Variants in ATP2B1 observed in about 807,000 individuals in gnomAD.
ATP2B1 encodes ATPase plasma membrane Ca2+ transporting 1, also known as plasma membrane calcium-transporting ATPase 1.
In ATP2B1, 14 loss-of-function variants were observed where a neutral mutation model predicts 124.2. That is an observed-to-expected ratio of 0.11 (90% confidence interval 0.07 to 0.18). ATP2B1 has a LOEUF of 0.18. Among genes scored for constraint, ATP2B1 ranks in the 10% least tolerant of loss-of-function variants. The pLI, the probability that ATP2B1 is intolerant of heterozygous loss-of-function variation, is 1.00. For missense variants in ATP2B1, 763 were observed against 1,466.1 expected (o/e 0.52, Z 7.83); for synonymous variants, 449 against 492.4 (o/e 0.91, Z 1.17).
chr12:89,637,940 A>G (rs949026289), intron 3 of ATP2B1, among the ~76,000 whole-genome samples: 4 of 152,154 alleles, frequency 2.6e-5, no homozygotes, highest in African/African-American at 9.6e-5. Context: ...AAACTACTGA[A>G]TATTTCAAAA....
intron 1 of ATP2B1, among the ~76,000 whole-genome samples, chr12:89,676,954 T>C (rs376658626): frequency 1.3e-5 from 2 of 152,168 alleles, no homozygotes; most frequent in African/African-American, 4.8e-5. Context: ...GAAAACTCTG[T>C]AGGAACTTGT....
At chr12:89,707,801 G>A (rs1020507731) in intron 1 of ATP2B1, among the ~76,000 whole-genome samples, 2 of 152,096 alleles carry the variant, frequency 1.3e-5, no homozygotes, top group African/African-American at 4.8e-5. Flanking sequence ...ACCAGGGGTC[G>A]CTAACCAGCT....
intron 1 of ATP2B1, among the ~76,000 whole-genome samples, chr12:89,700,726 T>G (rs1393651476): frequency 6.6e-6 from 1 of 152,200 alleles, no homozygotes; most frequent in Non-Finnish European, 1.5e-5. Context: ...TGCTACTCTT[T>G]GACCAACAAT....
chr12:89,655,212 T>C (rs1885810455), intron 2 of ATP2B1, among the ~76,000 whole-genome samples: 1 of 152,226 alleles, frequency 6.6e-6, no homozygotes, highest in Non-Finnish European at 1.5e-5. Flanking sequence ...TCATTTGCTT[T>C]AGGAACTCCT....
At chr12:89,641,881 A>G (rs1346006516) in intron 3 of ATP2B1, 1 of 295,066 alleles carries the variant, frequency 3.4e-6, no homozygotes, top group African/African-American at 2.2e-5. Context: ...AGCAAAGACC[A>G]TGTCATATAC....
intron 1 of ATP2B1, among the ~76,000 whole-genome samples, chr12:89,657,828 G>C (rs1886138975): frequency 6.6e-6 from 1 of 152,208 alleles, no homozygotes; most frequent in African/African-American, 2.4e-5. Context: ...GAATTCATAT[G>C]AGTGAGTTGA....
intron 2 of ATP2B1, among the ~76,000 whole-genome samples, chr12:89,649,611 GAATT>G (rs1369770536): frequency 1.3e-5 from 2 of 152,122 alleles, no homozygotes; most frequent in Non-Finnish European, 2.9e-5. Flanking sequence ...TTGAACTTTT[GAATT>G]AATACTGGTA....
At chr12:89,621,475 T>C in intron 10 of ATP2B1, 74 bp downstream of exon 10, 1 of 1,184,974 alleles carries the variant, frequency 8.4e-7, no homozygotes, top group Admixed American at 3.2e-5. Context: ...GTAATGGTGG[T>C]CTGAAGACTT....
At chr12:89,599,471 C>T (rs1875365474) in intron 19 of ATP2B1, among the ~76,000 whole-genome samples, 172 bp from the exon 20 acceptor site, 2 of 152,118 alleles carry the variant, frequency 1.3e-5, no homozygotes. Flanking sequence ...ACATTCTTCT[C>T]TTAGCTACAC....
At chr12:89,598,039 C>CAAAAAAAAAAAAAAAAAAAAAAAAAAAA (rs10661138) in intron 20 of ATP2B1, among the ~76,000 whole-genome samples, 3 of 60,526 alleles carry the variant, frequency 5.0e-5, no homozygotes, top group African/African-American at 1.4e-4. Context: ...CACAACCAAG[C>CAAAAAAAAAAAAAAAAAAAAAAAAAAAA]AAAAAAAAAA....
rs755693120 is a variant in ATP2B1 at position 89,621,614 on chromosome 12, G to A, written c.1522C>T (p.Pro508Ser). ...KKVPEPEAIPPNILSYLVTGI... is the reference protein window; with the variant it reads ...KKVPEPEAIPSNILSYLVTGI... ...GTTACAAGATAGGACAAAATATTTG[G>A]TGGAATAGCTTCTGGTTCAGGAACC... Residue 508 changes from proline (P) to serine (S), a missense_variant, in exon 10 of 21, where the codon CCA (proline) becomes TCA (serine). By Grantham distance (74) the Pro-to-Ser change is moderately conservative. Coordinates refer to ENST00000428670, the MANE Select transcript of ATP2B1 (RefSeq NM_001366521.1). The A allele has an allele frequency of 6.2e-7, 1 of 1,610,096 alleles. No individual in the cohort carries two copies. The highest frequency in any genetic ancestry group is 8.5e-7 in the Non-Finnish European group (1 of 1,177,314).
At chr12:89,596,311 G>GAA (rs1318236072) in intron 20 of ATP2B1, among the ~76,000 whole-genome samples, 1 of 152,088 alleles carries the variant, frequency 6.6e-6, no homozygotes, top group Non-Finnish European at 1.5e-5. Context: ...AATCTGGAAT[G>GAA]TAGAACCCTT....
chr12:89,591,020 T>C lies in ATP2B1; in HGVS notation c.3627A>G (p.Pro1209=), dbSNP rs1873448288. The C allele has an allele frequency of 4.3e-6, 7 of 1,612,914 alleles. No homozygotes were observed. The highest frequency in any genetic ancestry group is 1.7e-5 in the Admixed American group (1 of 59,940). The part of the protein sequence containing the change: ...EMNKSATSSS[P]GSPLHSLETS... ...TTTCCAAACTATGTAGTGGGCTTCC[T>C]GGGGATGAAGAGGTAGCAGACTTGT... Residue 1209 remains proline (P), a synonymous_variant, in exon 21 of 21, where the codon CCA becomes CCG. Coordinates refer to ENST00000428670, the MANE Select transcript of ATP2B1 (RefSeq NM_001366521.1).
intron 8 of ATP2B1, 34 bp downstream of exon 8, chr12:89,626,420 A>T (rs887668455): frequency 2.6e-6 from 4 of 1,550,018 alleles, no homozygotes; most frequent in Non-Finnish European, 3.5e-6. Flanking sequence ...CATACTTAAA[A>T]ATAAAACACT....
At position 89,600,530 on chromosome 12, in the gene ATP2B1, TA is replaced by T. The variant is rs1204800758; in HGVS notation, c.3168+795del. Reference sequence around the variant, plus strand: ...CTGTTAAAGCTATTCAATTCAAATCTAAAACATCATTTTGTGACCCCTTTTT... The same window carrying T: ...CTGTTAAAGCTATTCAATTCAAATCTAAACATCATTTTGTGACCCCTTTTT... On this transcript the variant is annotated intron_variant, in intron 19 of 20. Transcript: ENST00000428670. 3.9e-5 allele frequency among the ~76,000 whole-genome samples: 6 copies of T among 152,268 alleles called. No individual in the cohort carries two copies. In the East Asian group the frequency reaches 1.2e-3, roughly 29 times the overall value.
intron 1 of ATP2B1, among the ~76,000 whole-genome samples, chr12:89,677,995 C>G (rs1398381850): frequency 9.2e-6 from 1 of 108,890 alleles, no homozygotes; most frequent in African/African-American, 3.3e-5. Context: ...CACACACACA[C>G]ACACACACAC....
At chr12:89,667,020 C>T (rs1887388949) in intron 1 of ATP2B1, among the ~76,000 whole-genome samples, 1 of 152,158 alleles carries the variant, frequency 6.6e-6, no homozygotes, top group Admixed American at 6.5e-5. Flanking sequence ...ACATGTCTCT[C>T]CTGGATTTTG....
chr12:89,694,558 T>TC (rs1264313551), intron 1 of ATP2B1, among the ~76,000 whole-genome samples: 4 of 152,276 alleles, frequency 2.6e-5, no homozygotes, highest in Non-Finnish European at 1.5e-5. Context: ...CCAATACAGT[T>TC]CCCACTTGTG....
chr12:89,636,830 C>G (rs555431547), intron 3 of ATP2B1, among the ~76,000 whole-genome samples: 1 of 152,268 alleles, frequency 6.6e-6, no homozygotes, highest in South Asian at 2.1e-4. Flanking sequence ...AACACAAATA[C>G]CAGAATTTCT....
Sources: gnomAD v4.1 joint callset for allele counts (sites outside exome capture counted in the v4.1 genomes callset) on GRCh38, gnomAD v4.1.1 for gene constraint, MANE v1.5 for transcripts, NCBI Gene and HGNC (gene_info 2026-07-23, HGNC 2026-07-21) for gene names.